The following CNTNAP5 variants were observed in gnomAD, a reference collection of about 807,000 sequenced individuals.
CNTNAP5 encodes the protein contactin-associated protein-like 5.
Under a neutral mutation model 150.2 loss-of-function variants are expected in CNTNAP5, and 72 were observed. The ratio of observed to expected loss-of-function variants is 0.48; its 90% confidence interval spans 0.40 to 0.58. The LOEUF (loss-of-function observed/expected upper bound fraction) is 0.58. Ranked by LOEUF, CNTNAP5 falls within the 20% of genes least tolerant of loss-of-function variation. CNTNAP5 has a pLI of 0.00. For missense variants in CNTNAP5, 1,636 were observed against 1,626.2 expected, an observed-to-expected ratio of 1.01 and a Z score of -0.10; for synonymous variants, 672 against 619.8, an observed-to-expected ratio of 1.08 and a Z score of -1.25.
chr2:124,118,562 G>GAACATGAA (rs1171113331), intron 1 of CNTNAP5, among the ~76,000 whole-genome samples: 2 of 152,164 alleles, frequency 1.3e-5, no homozygotes, highest in Non-Finnish European at 2.9e-5. Flanking sequence ...GCTCTTGAGA[G>GAACATGAA]AACATGAAGA....
chr2:124,850,531 A>T (rs1233684731), intron 19 of CNTNAP5, among the ~76,000 whole-genome samples: 2 of 152,222 alleles, frequency 1.3e-5, no homozygotes, highest in Non-Finnish European at 2.9e-5. Context: ...ATTAGAGGAC[A>T]AGTGGACCTG....
At chr2:124,113,606 T>C (rs1683354585) in intron 1 of CNTNAP5, among the ~76,000 whole-genome samples, 1 of 151,780 alleles carries the variant, frequency 6.6e-6, no homozygotes, top group Non-Finnish European at 1.5e-5. Context: ...TATAAATATG[T>C]CATCTCATCT....
chr2:124,198,712 G>A (rs559230287), intron 1 of CNTNAP5, among the ~76,000 whole-genome samples: 3 of 151,112 alleles, frequency 2.0e-5, no homozygotes, highest in Non-Finnish European at 2.9e-5. Flanking sequence ...TTAAGAAATA[G>A]TTTTTTAGCT....
chr2:124,461,810 A>G (rs907589227), intron 6 of CNTNAP5, among the ~76,000 whole-genome samples: 4 of 151,324 alleles, frequency 2.6e-5, no homozygotes, highest in Non-Finnish European at 5.9e-5. Flanking sequence ...GCAGTGAGCC[A>G]AGATTGCACC....
intron 1 of CNTNAP5, among the ~76,000 whole-genome samples, chr2:124,113,486 T>C (rs1683349247): frequency 6.7e-6 from 1 of 149,006 alleles, no homozygotes; most frequent in Admixed American, 6.9e-5. Context: ...TGTATATATC[T>C]ATTCAACTGA....
intron 11 of CNTNAP5, among the ~76,000 whole-genome samples, chr2:124,576,574 G>A (rs1696286672): frequency 6.6e-6 from 1 of 152,130 alleles, no homozygotes; most frequent in African/African-American, 2.4e-5. Context: ...ACATCACTGG[G>A]GGAATAGTCA....
At chr2:124,350,946 C>T (rs1487906085) in intron 3 of CNTNAP5, among the ~76,000 whole-genome samples, 1 of 151,718 alleles carries the variant, frequency 6.6e-6, no homozygotes, top group Non-Finnish European at 1.5e-5. Flanking sequence ...GAGGCTCCTG[C>T]CCTGCACATC....
chr2:124,768,926 G>A (rs1310460464), intron 16 of CNTNAP5, among the ~76,000 whole-genome samples: 1 of 152,158 alleles, frequency 6.6e-6, no homozygotes. Context: ...TTATGTCCCT[G>A]AAAAGTTTTA....
Position 124,754,617 on chromosome 2 carries a change from T to C in CNTNAP5, c.2234+7232T>C, listed in dbSNP as rs533726909. On this transcript the variant is annotated intron_variant, in intron 14 of 23. Transcript: ENST00000682447. ...CTGTTTCAGTCATTGAATATACTCT[T>C]AAAGTATACATTCTGGAGTAACTTG... 6.2e-4 allele frequency among the ~76,000 whole-genome samples: 94 copies of C among 152,310 alleles called. 2 individuals carry two copies. The South Asian group carries it at 9.7e-3, about 16-fold the overall frequency.
chr2:124,387,353 G>T (rs1344318479), intron 3 of CNTNAP5, among the ~76,000 whole-genome samples: 2 of 152,218 alleles, frequency 1.3e-5, no homozygotes, highest in Admixed American at 6.5e-5. Context: ...TATACTCTGA[G>T]ATCAAAGTTT....
At position 124,538,505 on chromosome 2, in the gene CNTNAP5, G is replaced by A. The variant is rs531578107; in HGVS notation, c.1649+11049G>A. On this transcript the variant is annotated intron_variant, in intron 10 of 23. Coordinates refer to ENST00000682447, the MANE Select transcript of CNTNAP5 (RefSeq NM_001367498.1). Reference sequence around the variant, plus strand: ...AGAAAGAAAGAGAGAGAGAAAGAGAGACTCTGTCAGAAAAGAAAGAAAGAA... The same window carrying A: ...AGAAAGAAAGAGAGAGAGAAAGAGAAACTCTGTCAGAAAAGAAAGAAAGAA... Among the ~76,000 whole-genome samples, 30 of 148,348 alleles carry A rather than the reference G, an allele frequency of 2.0e-4. 1 individual carries two copies. In the East Asian group the frequency reaches 5.4e-3, roughly 27 times the overall value.
chr2:124,258,089 T>C (rs765651931), intron 3 of CNTNAP5, among the ~76,000 whole-genome samples: 3 of 152,084 alleles, frequency 2.0e-5, no homozygotes, highest in Non-Finnish European at 4.4e-5. Flanking sequence ...AAATGACCCA[T>C]GCAAATGCCC....
chr2:124,719,624 G>A (rs564688846), intron 13 of CNTNAP5, among the ~76,000 whole-genome samples: 15 of 152,208 alleles, frequency 9.9e-5, no homozygotes, highest in Admixed American at 5.9e-4. Context: ...CACTGGCTAC[G>A]TAATAGTTTC....
intron 1 of CNTNAP5, among the ~76,000 whole-genome samples, chr2:124,124,361 A>G (rs892395488): frequency 1.3e-5 from 2 of 152,174 alleles, no homozygotes; most frequent in African/African-American, 2.4e-5. Context: ...AAGTTTAGAG[A>G]AAAAAAGAGT....
rs189467866 is a variant in CNTNAP5 at position 124,712,431 on chromosome 2, C to T, written c.2078-34798C>T. ...GTAACACAGCTGCCAGGACTCATAT[C>T]CAAGCTGCCTGATTTGGAGCTCTGC... On this transcript the variant is annotated intron_variant, in intron 13 of 23. Coordinates refer to ENST00000682447, the MANE Select transcript of CNTNAP5 (RefSeq NM_001367498.1). Among the ~76,000 whole-genome samples the T allele has an allele frequency of 1.7e-3, 264 of 152,280 alleles. 2 individuals carry two copies. The highest frequency in any genetic ancestry group is 8.8e-5 in the Non-Finnish European group (6 of 68,038).
chr2:124,718,205 A>G (rs977421910), intron 13 of CNTNAP5, among the ~76,000 whole-genome samples: 27 of 152,354 alleles, frequency 1.8e-4, no homozygotes, highest in African/African-American at 6.5e-4. Context: ...ATTATAAAAA[A>G]TATAAAAATA....
rs1345850363 is a variant in CNTNAP5 at position 124,037,479 on chromosome 2, A to AAAAAGTGT, written c.82+11747_82+11748insAAAAGTGT. ...TGGATAAAAAGTGCACAGTATAAAA[A>AAAAAGTGT]CACAACAGAATCTAGTCAACCTTGA... On this transcript the variant is annotated intron_variant, in intron 1 of 23. Coordinates refer to ENST00000682447, the MANE Select transcript of CNTNAP5 (RefSeq NM_001367498.1). 7.1e-3 allele frequency among the ~76,000 whole-genome samples: 1,078 copies of AAAAAGTGT among 152,340 alleles called. 15 individuals carry two copies. Among genetic ancestry groups the AAAAAGTGT allele is most frequent in the African/African-American group, 0.023 (966 of 41,574 alleles).
intron 14 of CNTNAP5, among the ~76,000 whole-genome samples, chr2:124,750,720 T>C (rs1226373705): frequency 1.3e-5 from 2 of 152,026 alleles, no homozygotes; most frequent in East Asian, 3.9e-4. Context: ...ACATAGTGGC[T>C]CACACCTGTA....
intron 1 of CNTNAP5, among the ~76,000 whole-genome samples, chr2:124,123,426 C>A (rs1439722078): frequency 1.3e-5 from 2 of 152,138 alleles, no homozygotes; most frequent in African/African-American, 4.8e-5. Flanking sequence ...TGGGTGGAGT[C>A]CACCGCAGCT....
Sources: allele counts gnomAD v4.1 joint callset (sites outside exome capture counted in the v4.1 genomes callset), GRCh38; gene constraint gnomAD v4.1.1; transcripts MANE v1.5; gene names NCBI Gene and HGNC (gene_info 2026-07-23, HGNC 2026-07-21).